CSGALNACT1: variants seen among roughly 807,000 people sequenced by gnomAD.
CSGALNACT1 encodes chondroitin sulfate N-acetylgalactosaminyltransferase 1.
In CSGALNACT1, 52 loss-of-function variants were observed where a neutral mutation model predicts 51.0. The ratio of observed to expected loss-of-function variants is 1.02; its 90% CI spans 0.82 to 1.29. CSGALNACT1 has a LOEUF of 1.29. CSGALNACT1 is among the 50% of genes most tolerant of loss of function. The probability of loss-of-function intolerance (pLI) is 0.00; values close to 1 mark genes in which losing one functional copy is unlikely to be tolerated. For synonymous variants in CSGALNACT1, 341 were observed against 254.4 expected, an observed-to-expected ratio of 1.34 and a Z score of -3.24; for missense variants, 935 against 679.2, an observed-to-expected ratio of 1.38 and a Z score of -4.19.
intron 1 of CSGALNACT1, among the ~76,000 whole-genome samples, chr8:19,728,530 G>C (rs1469166728): frequency 6.6e-6 from 1 of 150,458 alleles, no homozygotes; most frequent in African/African-American, 2.4e-5. Flanking sequence ...GGTTCTGTGA[G>C]TTTAGGTCAG....
intron 3 of CSGALNACT1, among the ~76,000 whole-genome samples, chr8:19,549,974 G>T (rs1029577102): frequency 2.6e-5 from 4 of 151,924 alleles, no homozygotes; most frequent in Non-Finnish European, 4.4e-5. Context: ...ATCTCTTTTT[G>T]TTTTTAATTC....
At position 19,735,695 on chromosome 8, in the gene CSGALNACT1, C is replaced by T. The variant is rs537073183; in HGVS notation, c.-297+22155G>A. On this transcript the variant is annotated intron_variant, in intron 1 of 1. Coordinates refer to the CSGALNACT1 transcript ENST00000517494. ...GTATTGAAAGACAGAAGATCTGACC[C>T]TTATTTAACAACTTTACATGAAAAA... 7.0e-4 allele frequency among the ~76,000 whole-genome samples: 107 copies of T among 152,194 alleles called. 1 individual carries two copies. Among genetic ancestry groups the T allele is most frequent in the South Asian group, 1.7e-3 (8 of 4,814 alleles).
chr8:19,406,051 A>T, exon 10 of CSGALNACT1: 2 of 1,614,136 alleles, frequency 1.2e-6, no homozygotes, highest in Non-Finnish European at 8.5e-7. Context: ...CCAGCCTTTG[A>T]TGTCCAGATC....
intron 1 of CSGALNACT1, among the ~76,000 whole-genome samples, chr8:19,640,971 C>A (rs897121563): frequency 2.0e-5 from 3 of 151,420 alleles, no homozygotes; most frequent in Admixed American, 2.0e-4. Context: ...CATAGAGAAA[C>A]CCATTAGAGT....
rs1033115195 is a variant in CSGALNACT1, at chr8:19,727,552, T to C, written c.-297+30298A>G. Among the ~76,000 whole-genome samples, 4 of 152,300 alleles carry C rather than the reference T, an allele frequency of 2.6e-5. No individual in the cohort carries two copies. In the East Asian group the frequency reaches 7.7e-4, roughly 29 times the overall value. ...TTTGTGTAGAGATGGGGTTTCAACA[T>C]GTTGCCCAGGCTGGTCTCGAACTCC... On this transcript the variant is annotated intron_variant, in intron 1 of 1. Transcript: ENST00000517494.
chr8:19,723,365 T>C (rs1353084489), intron 1 of CSGALNACT1, among the ~76,000 whole-genome samples: 1 of 152,256 alleles, frequency 6.6e-6, no homozygotes, highest in African/African-American at 2.4e-5. Flanking sequence ...GTGCGGATTC[T>C]TAGAAAGTGT....
At chr8:19,644,432 G>T (rs1440284779) in intron 1 of CSGALNACT1, among the ~76,000 whole-genome samples, 1 of 150,604 alleles carries the variant, frequency 6.6e-6, no homozygotes, top group African/African-American at 2.4e-5. Flanking sequence ...ATGAGGGGCG[G>T]GGTGCAGTGG....
intron 1 of CSGALNACT1, among the ~76,000 whole-genome samples, chr8:19,627,829 T>TA (rs891055270): frequency 5.3e-5 from 8 of 152,020 alleles, no homozygotes; most frequent in African/African-American, 9.7e-5. Flanking sequence ...CTCCTACCTT[T>TA]AAAAAAATAA....
chr8:19,755,688 G>C (rs1240990862), intron 1 of CSGALNACT1, among the ~76,000 whole-genome samples: 2 of 152,212 alleles, frequency 1.3e-5, no homozygotes, highest in Admixed American at 6.5e-5. Context: ...CAGGTCTCTG[G>C]AACAGCAAAG....
chr8:19,705,216 G>C (rs1589611091), intron 1 of CSGALNACT1, among the ~76,000 whole-genome samples: 1 of 152,046 alleles, frequency 6.6e-6, no homozygotes. Flanking sequence ...ATAAACTTGG[G>C]GGAAAAACAA....
chr8:19,645,245 A>G (rs1255481465), intron 1 of CSGALNACT1, among the ~76,000 whole-genome samples: 3 of 152,252 alleles, frequency 2.0e-5, no homozygotes, highest in Non-Finnish European at 2.9e-5. Context: ...TCAAACAGGG[A>G]AAAATGAGTA....
intron 5 of CSGALNACT1, among the ~76,000 whole-genome samples, chr8:19,455,984 C>T (rs1173732189): frequency 1.3e-5 from 2 of 152,214 alleles, no homozygotes; most frequent in African/African-American, 2.4e-5. Flanking sequence ...GAGCAAGGGA[C>T]ATCCAAATAG....
Position 19,520,489 on chromosome 8 carries a change from T to G in CSGALNACT1, c.-296-14359A>C, listed in dbSNP as rs542425108. ...CTGGCGCCTGCCGCCAATCCTATCT[T>G]GTAGTCAGCAATCTCTACTAGGGAG... On this transcript the variant is annotated intron_variant, in intron 3 of 9. Transcript: ENST00000454498. Among the ~76,000 whole-genome samples, 11 of 152,328 alleles carry G rather than the reference T, an allele frequency of 7.2e-5. No individual in the cohort carries two copies. The East Asian group carries it at 2.1e-3, about 29-fold the overall frequency.
Position 19,428,813 on chromosome 8 carries a change from A to G in CSGALNACT1, c.954-8295T>C, listed in dbSNP as rs942283679. ...GATTAGGACAAAACACCCTTCTCAC[A>G]TAAGACATGATATGTGTGTGTGTGT... On this transcript the variant is annotated intron_variant, in intron 6 of 9. Coordinates refer to ENST00000454498, the Ensembl canonical transcript of CSGALNACT1. 3.4e-5 allele frequency among the ~76,000 whole-genome samples: 5 copies of G among 149,002 alleles called. No individual in the cohort carries two copies. The East Asian group carries it at 9.9e-4, about 30-fold the overall frequency.
intron 3 of CSGALNACT1, among the ~76,000 whole-genome samples, chr8:19,565,052 C>G (rs1464984897): frequency 6.6e-6 from 1 of 152,126 alleles, no homozygotes; most frequent in Non-Finnish European, 1.5e-5. Context: ...TGAAAGTGCC[C>G]ACTATATTAC....
chr8:19,425,858 T>C (rs79596925), intron 6 of CSGALNACT1, among the ~76,000 whole-genome samples: 1,907 of 152,266 alleles, frequency 0.013, 51 homozygotes, highest in African/African-American at 0.044. Context: ...CATCTACTCC[T>C]GCGAACATCA....
chr8:19,433,491 G>T (rs1021188656), intron 6 of CSGALNACT1, among the ~76,000 whole-genome samples: 1 of 152,134 alleles, frequency 6.6e-6, no homozygotes, highest in African/African-American at 2.4e-5. Context: ...TCTATTGTTT[G>T]CCCCAACTCT....
At chr8:19,484,670 G>C (rs1282414755) in intron 4 of CSGALNACT1, among the ~76,000 whole-genome samples, 1 of 152,210 alleles carries the variant, frequency 6.6e-6, no homozygotes, top group African/African-American at 2.4e-5. Context: ...TTTGTGGGCT[G>C]AAGTGTGTCT....
chr8:19,559,165 A>C (rs953632626), intron 3 of CSGALNACT1, among the ~76,000 whole-genome samples: 2 of 152,200 alleles, frequency 1.3e-5, no homozygotes, highest in Non-Finnish European at 2.9e-5. Flanking sequence ...AATGTCTCTC[A>C]TGAACATGGA....
Sources: gnomAD v4.1 joint callset for allele counts (sites outside exome capture counted in the v4.1 genomes callset) on GRCh38, gnomAD v4.1.1 for gene constraint, MANE v1.5 for transcripts, NCBI Gene and HGNC (gene_info 2026-07-23, HGNC 2026-07-21) for gene names.